DYNC1I1: variants seen among roughly 807,000 people sequenced by gnomAD.
DYNC1I1 encodes the protein dynein cytoplasmic 1 intermediate chain 1.
A neutral mutation model predicts 86.6 loss-of-function variants in DYNC1I1; 43 were observed. The ratio of observed to expected loss-of-function variants is 0.50; its 90% CI spans 0.39 to 0.64. DYNC1I1 has a LOEUF of 0.64. Ranked by LOEUF, DYNC1I1 falls within the 30% of genes least tolerant of loss-of-function variation. The pLI, the probability that DYNC1I1 is intolerant of heterozygous loss-of-function variation, is 0.00. For synonymous variants in DYNC1I1, 262 were observed against 283.7 expected, an observed-to-expected ratio of 0.92 and a Z score of 0.77; for missense variants, 604 against 788.8, an observed-to-expected ratio of 0.77 and a Z score of 2.81.
intron 6 of DYNC1I1, among the ~76,000 whole-genome samples, chr7:95,945,798 CACTA>C (rs1792382612): frequency 6.6e-6 from 1 of 152,104 alleles, no homozygotes; most frequent in Admixed American, 6.6e-5. Context: ...AAAGAAAACA[CACTA>C]ACACATCAAC....
At position 95,943,521 on chromosome 7, in the gene DYNC1I1, T is replaced by C. The variant is rs1490466583; in HGVS notation, c.491-33991T>C. Among the ~76,000 whole-genome samples the C allele has an allele frequency of 7.2e-5, 8 of 111,128 alleles. 1 individual carries two copies. Among genetic ancestry groups the C allele is most frequent in the Non-Finnish European group, 3.9e-5 (2 of 51,098 alleles). The allele number at this position is 111,128 out of a possible 152,430, so 72.9% of individuals were successfully genotyped here. On this transcript the variant is annotated intron_variant, in intron 6 of 16. Transcript: ENST00000447467. ...CTTCCTTCACAGAATTGGAAAAAAG[T>C]ACTTTAAAGTTCATATGGAACCAAA...
chr7:95,893,088 G>A (rs1284747546), intron 6 of DYNC1I1, among the ~76,000 whole-genome samples: 2 of 152,090 alleles, frequency 1.3e-5, no homozygotes, highest in African/African-American at 4.8e-5. Context: ...CTTTGAAAAG[G>A]GAGGGTTAAA....
In DYNC1I1 at chr7:96,097,855, T is replaced by C. The variant is rs1791063640; in HGVS notation, c.*262T>C. On this transcript the variant is annotated 3_prime_UTR_variant, in exon 17 of 17. Coordinates refer to ENST00000447467, the MANE Select transcript of DYNC1I1 (RefSeq NM_001135556.2). ...GGGGGTTATGGGTTAAGTTGCTGCC[T>C]TTTAACTACTTTGTAGCTGTATTTA... 8.5e-7 allele frequency: 1 copy of C among 1,178,916 alleles called. No homozygotes were observed. Among genetic ancestry groups the C allele is most frequent in the Non-Finnish European group, 1.1e-6 (1 of 947,090 alleles). The allele number at this position is 1,178,916 out of a possible 1,614,324, so 73.0% of individuals were successfully genotyped here.
At chr7:95,880,731 C>T (rs979042044) in intron 6 of DYNC1I1, among the ~76,000 whole-genome samples, 2 of 150,206 alleles carry the variant, frequency 1.3e-5, no homozygotes. Context: ...CTGCAACCTC[C>T]GCCTCCTGAG....
intron 6 of DYNC1I1, among the ~76,000 whole-genome samples, chr7:95,976,614 CT>C (rs1562961114): frequency 3.3e-5 from 5 of 152,174 alleles, no homozygotes; most frequent in Admixed American, 2.6e-4. Context: ...TTCTTTTCAA[CT>C]CTCTTTGAAC....
intron 14 of DYNC1I1, among the ~76,000 whole-genome samples, chr7:96,063,135 GTGTGTGT>G (rs1460846441): frequency 5.4e-5 from 8 of 148,796 alleles, no homozygotes; most frequent in African/African-American, 2.0e-4. Context: ...GTGTGTGTAT[GTGTGTGT>G]TTTCTTTCAT....
intron 5 of DYNC1I1, among the ~76,000 whole-genome samples, chr7:95,831,990 TAA>T (rs1788918478): frequency 6.6e-6 from 1 of 151,838 alleles, no homozygotes; most frequent in South Asian, 2.1e-4. Flanking sequence ...TATTATACTT[TAA>T]GTTTTAGCAT....
chr7:96,096,166 C>T (rs1389368359), intron 16 of DYNC1I1, among the ~76,000 whole-genome samples: 1 of 152,046 alleles, frequency 6.6e-6, no homozygotes, highest in African/African-American at 2.4e-5. Context: ...AATGAAGTTG[C>T]CACTTTCCAA....
intron 1 of DYNC1I1, among the ~76,000 whole-genome samples, chr7:95,783,011 T>TG (rs1473600561): frequency 2.0e-5 from 3 of 152,084 alleles, no homozygotes; most frequent in Non-Finnish European, 4.4e-5. Flanking sequence ...GGGTACAGGA[T>TG]GGGGGCATGG....
chr7:95,804,635 T>C (rs1297240511), intron 1 of DYNC1I1, 86 bp from the exon 2 acceptor site: 2 of 1,343,048 alleles, frequency 1.5e-6, no homozygotes, highest in African/African-American at 3.0e-5. Context: ...CATTGTTAAG[T>C]TGCATTTTCT....
chr7:95,854,811 A>G (rs1048012388), intron 5 of DYNC1I1, among the ~76,000 whole-genome samples: 1 of 152,230 alleles, frequency 6.6e-6, no homozygotes, highest in African/African-American at 2.4e-5. Flanking sequence ...ATTTACAGAC[A>G]CAAAAAAAAT....
At chr7:95,824,970 G>A (rs3757695) in intron 4 of DYNC1I1, among the ~76,000 whole-genome samples, 30,555 of 152,188 alleles carry the variant, frequency 0.2, 3,181 homozygotes, top group Non-Finnish European at 0.22. Context: ...CATATTCCTT[G>A]AAGGGAACCA....
chr7:95,797,312 A>G (rs759120881), intron 1 of DYNC1I1, among the ~76,000 whole-genome samples: 10 of 152,196 alleles, frequency 6.6e-5, no homozygotes, highest in Non-Finnish European at 1.2e-4. Context: ...TCAAAAATCA[A>G]TGGTGTGAGT....
At chr7:95,816,667 A>G (rs2034315385) in intron 4 of DYNC1I1, among the ~76,000 whole-genome samples, 1 of 152,200 alleles carries the variant, frequency 6.6e-6, no homozygotes, top group Non-Finnish European at 1.5e-5. Context: ...AATCTTTGAT[A>G]TACTGTATGC....
At chr7:95,898,662 A>G (rs1278335437) in intron 6 of DYNC1I1, among the ~76,000 whole-genome samples, 1 of 152,226 alleles carries the variant, frequency 6.6e-6, no homozygotes, top group East Asian at 1.9e-4. Flanking sequence ...TTCTTTATGC[A>G]AAGGAAAGAA....
intron 5 of DYNC1I1, among the ~76,000 whole-genome samples, chr7:95,849,169 A>G (rs1165939092): frequency 6.6e-6 from 1 of 152,098 alleles, no homozygotes; most frequent in African/African-American, 2.4e-5. Context: ...CCCATTTTGT[A>G]CATTGTCTCT....
chr7:95,834,849 G>T (rs996649648), intron 5 of DYNC1I1, among the ~76,000 whole-genome samples: 1 of 150,326 alleles, frequency 6.7e-6, no homozygotes, highest in Non-Finnish European at 1.5e-5. Flanking sequence ...GTGTCTATTT[G>T]ATTCTTCTCT....
chr7:95,950,669 G>A (rs1181456564), intron 6 of DYNC1I1, among the ~76,000 whole-genome samples: 1 of 152,124 alleles, frequency 6.6e-6, no homozygotes, highest in East Asian at 1.9e-4. Flanking sequence ...CAGTAGATCA[G>A]ATGGAGTCAA....
intron 6 of DYNC1I1, among the ~76,000 whole-genome samples, chr7:95,914,857 TGAGTA>T (rs1242848403): frequency 1.3e-5 from 2 of 152,226 alleles, no homozygotes; most frequent in Admixed American, 1.3e-4. Context: ...AAGTCTTGTT[TGAGTA>T]ATCAGAAGTC....
Sources: allele counts gnomAD v4.1 joint callset (sites outside exome capture counted in the v4.1 genomes callset), GRCh38; gene constraint gnomAD v4.1.1; transcripts MANE v1.5; gene names NCBI Gene and HGNC (gene_info 2026-07-23, HGNC 2026-07-21).